IGFBP4: variants seen among roughly 807,000 people sequenced by gnomAD.
IGFBP4 encodes insulin-like growth factor-binding protein 4.
A neutral mutation model predicts 25.8 loss-of-function variants in IGFBP4; 9 were observed. The ratio of observed to expected loss-of-function variants is 0.35; its 90% confidence interval spans 0.21 to 0.61. The LOEUF is 0.61. IGFBP4 is among the 20% of genes least tolerant of loss of function. The pLI, the probability that IGFBP4 is intolerant of heterozygous loss-of-function variation, is 0.77. For missense variants in IGFBP4, 315 were observed against 365.3 expected, an observed-to-expected ratio of 0.86 and a Z score of 1.12; for synonymous variants, 153 against 153.9, an observed-to-expected ratio of 0.99 and a Z score of 0.05.
chr17:40,450,464 T>A (rs1216643107), intron 1 of IGFBP4, among the ~76,000 whole-genome samples: 1 of 152,232 alleles, frequency 6.6e-6, no homozygotes, highest in Non-Finnish European at 1.5e-5. Flanking sequence ...TTTGTCCACA[T>A]CTCAGCTCAG....
chr17:40,446,602 C>T (rs778907477), intron 1 of IGFBP4, among the ~76,000 whole-genome samples: 2 of 151,972 alleles, frequency 1.3e-5, no homozygotes, highest in Non-Finnish European at 2.9e-5. Flanking sequence ...GGTGACAGAG[C>T]GAGACTCTGT....
intron 1 of IGFBP4, among the ~76,000 whole-genome samples, chr17:40,448,786 T>C (rs1265902216): frequency 6.6e-6 from 1 of 152,102 alleles, no homozygotes; most frequent in African/African-American, 2.4e-5. Context: ...ACAGATTACA[T>C]GGAAAGTCAA....
intron 3 of IGFBP4, 65 bp from the exon 4 acceptor site, chr17:40,456,384 G>A: frequency 1.3e-6 from 2 of 1,582,702 alleles, no homozygotes; most frequent in South Asian, 2.2e-5. Context: ...GCTGGGATTG[G>A]GGTGGGTCAC....
At chr17:40,449,665 C>T (rs1181942769) in intron 1 of IGFBP4, among the ~76,000 whole-genome samples, 4 of 151,278 alleles carry the variant, frequency 2.6e-5, no homozygotes, top group Non-Finnish European at 5.9e-5. Flanking sequence ...AGGAGAATGG[C>T]GTGAACCTGG....
chr17:40,452,455 T>G (rs1377306429), intron 1 of IGFBP4, among the ~76,000 whole-genome samples: 1 of 152,138 alleles, frequency 6.6e-6, no homozygotes, highest in African/African-American at 2.4e-5. Flanking sequence ...GGGGAGAGCC[T>G]TTTGGGCTAG....
At chr17:40,455,474 A>G (rs1030829340) in intron 3 of IGFBP4, among the ~76,000 whole-genome samples, 8 of 150,046 alleles carry the variant, frequency 5.3e-5, no homozygotes, top group Admixed American at 2.7e-4. Flanking sequence ...GCACACAACT[A>G]TGTCAGGCTA....
Position 40,456,722 on chromosome 17 carries a change from CACGTGT to C in IGFBP4, c.*140_*145del. ...GAAGTTTCCCTCAAATGCGCGTGTG[CACGTGT>C]GCGTGTGCGTGCGTGTGTGTGTGTT... is the stretch of plus-strand genomic sequence containing the variant. On this transcript the variant is annotated 3_prime_UTR_variant, in exon 4 of 4. Coordinates refer to ENST00000269593, the MANE Select transcript of IGFBP4 (RefSeq NM_001552.3). 3.7e-6 allele frequency: 3 copies of C among 802,112 alleles called. No individual in the cohort carries two copies. Among genetic ancestry groups the C allele is most frequent in the Non-Finnish European group, 3.9e-6 (2 of 515,214 alleles). The allele number at this position is 802,112 out of a possible 1,614,324, so 49.7% of individuals were successfully genotyped here. A position where few individuals can be genotyped will look rare whatever the true frequency, so the allele number is the denominator to read the frequency against.
In IGFBP4 at chr17:40,443,857, C is replaced by G. The variant is rs777313226; in HGVS notation, c.122C>G (p.Pro41Arg). The change falls in exon 1 of 4, where the codon CCC becomes CGC. Residue 41 changes from proline to arginine, a missense_variant. By Grantham distance (103) the Pro-to-Arg change is moderately radical (BLOSUM62 -2). Coordinates refer to ENST00000269593, the MANE Select transcript of IGFBP4 (RefSeq NM_001552.3). ...SEEKLARCRP[P>R]VGCEELVREP... ...GAGAAGCTGGCGCGCTGCCGCCCCC[C>G]CGTGGGCTGCGAGGAGCTGGTGCGA... 2.2e-5 allele frequency: 34 copies of G among 1,531,760 alleles called. No homozygotes were observed. The highest frequency in any genetic ancestry group is 1.4e-4 in the Admixed American group (7 of 50,890). 94.9% of individuals were successfully genotyped at this position (1,531,760 alleles called of 1,614,324 possible). A position where few individuals can be genotyped will look rare whatever the true frequency, so the allele number is the denominator to read the frequency against.
chr17:40,445,771 C>T (rs574698789), intron 1 of IGFBP4, among the ~76,000 whole-genome samples: 3 of 152,068 alleles, frequency 2.0e-5, no homozygotes, highest in Non-Finnish European at 2.9e-5. Context: ...CTTGGGTTCG[C>T]GGGGTACAAC....
chr17:40,443,994 G>C lies in IGFBP4; in HGVS notation c.259G>C (p.Glu87Gln), dbSNP rs1263562899. 1 of 1,532,482 alleles carries C rather than the reference G, an allele frequency of 6.5e-7. No individual in the cohort carries two copies. The highest frequency in any genetic ancestry group is 2.5e-5 in the East Asian group (1 of 40,522). 94.9% of individuals were successfully genotyped at this position (1,532,482 alleles called of 1,614,324 possible). The change falls in exon 1 of 4, where the codon GAG (glutamate) becomes CAG (glutamine). Residue 87 changes from glutamate to glutamine, a missense_variant. By Grantham distance (29) the Glu-to-Gln change is conservative. Transcript: ENST00000269593. ...GLRCYPPRGV[E>Q]KPLHTLMHGQ... Reference sequence around the variant, plus strand: ...GCGCTGCTACCCGCCCCGAGGGGTGGAGAAGCCCCTGCACACACTGATGCA... The same window carrying C: ...GCGCTGCTACCCGCCCCGAGGGGTGCAGAAGCCCCTGCACACACTGATGCA...
At chr17:40,446,394 T>C (rs560977908) in intron 1 of IGFBP4, among the ~76,000 whole-genome samples, 1 of 149,884 alleles carries the variant, frequency 6.7e-6, no homozygotes, top group East Asian at 2.0e-4. Context: ...GGAGGGTGAA[T>C]CACCTGAGGT....
Position 40,452,992 on chromosome 17 carries a change from C to A in IGFBP4, c.357C>A (p.Asp119Glu). The A allele has an allele frequency of 1.3e-6, 2 of 1,548,526 alleles. No individual in the cohort carries two copies. The highest frequency in any genetic ancestry group is 1.8e-6 in the Non-Finnish European group (2 of 1,142,852). The change falls in exon 2 of 4, where the codon GAC becomes GAA. Residue 119 changes from aspartate (D) to glutamate (E), a missense_variant. Coordinates refer to ENST00000269593, the MANE Select transcript of IGFBP4 (RefSeq NM_001552.3). ...IQESLQPSDK[D>E]EGDHPNNSFS... ...ATCGCTACCTGAATACAGACAAGGA[C>A]GAGGGTGACCACCCCAACAACAGCT...
At chr17:40,456,212 A>T (rs1197915732) in intron 3 of IGFBP4, among the ~76,000 whole-genome samples, 1 of 152,068 alleles carries the variant, frequency 6.6e-6, no homozygotes, top group African/African-American at 2.4e-5. Context: ...TTTAAACCCG[A>T]GGGCTTTCTT....
rs1373336680 is a variant in IGFBP4 at position 40,457,114 on chromosome 17, CCT to C, written c.*535_*536del. On this transcript the variant is annotated 3_prime_UTR_variant, in exon 4 of 4. Coordinates refer to ENST00000269593, the MANE Select transcript of IGFBP4 (RefSeq NM_001552.3). ...GACATGTACCTTGACCATCGTCCTTCCTCTCAAGCTAGCCAGAGGGTGGGAGC... is the reference window on the plus strand; with the variant it reads ...GACATGTACCTTGACCATCGTCCTTCCTCAAGCTAGCCAGAGGGTGGGAGC... 1 of 152,580 alleles carries C rather than the reference CCT, an allele frequency of 6.6e-6. No individual in the cohort carries two copies. The highest frequency in any genetic ancestry group is 1.5e-5 in the Non-Finnish European group (1 of 68,350). 9.5% of individuals were successfully genotyped at this position (152,580 alleles called of 1,614,324 possible). A position where few individuals can be genotyped will look rare whatever the true frequency, so the allele number is the denominator to read the frequency against.
chr17:40,449,388 G>C (rs996258661), intron 1 of IGFBP4, among the ~76,000 whole-genome samples: 7 of 152,040 alleles, frequency 4.6e-5, no homozygotes, highest in African/African-American at 1.7e-4. Context: ...AGTCTAGGCA[G>C]GAGGATCACT....
rs1011353171 is a variant in IGFBP4, at chr17:40,443,718, C to T, written c.-18C>T. On this transcript the variant is annotated 5_prime_UTR_variant, in exon 1 of 4. Coordinates refer to ENST00000269593, the MANE Select transcript of IGFBP4 (RefSeq NM_001552.3). Reference sequence around the variant, plus strand: ...CTGCGCCCAGCGCCCCGCGCCCGCGCCCAGTCCTCGGGCGGTCATGCTGCC... The same window carrying T: ...CTGCGCCCAGCGCCCCGCGCCCGCGTCCAGTCCTCGGGCGGTCATGCTGCC... 8.0e-6 allele frequency: 11 copies of T among 1,377,256 alleles called. No individual in the cohort carries two copies. The highest frequency in any genetic ancestry group is 1.5e-5 in the African/African-American group (1 of 64,884). 85.3% of individuals were successfully genotyped at this position (1,377,256 alleles called of 1,614,324 possible).
Position 40,453,172 on chromosome 17 carries a change from G to A in IGFBP4, c.507+30G>A. The A allele has an allele frequency of 7.2e-7, 1 of 1,386,862 alleles. No homozygotes were observed. The highest frequency in any genetic ancestry group is 2.7e-5 in the East Asian group (1 of 37,272). 85.9% of individuals were successfully genotyped at this position (1,386,862 alleles called of 1,614,324 possible). On this transcript the variant is annotated intron_variant, in intron 2 of 3. Coordinates refer to ENST00000269593, the MANE Select transcript of IGFBP4 (RefSeq NM_001552.3). The surrounding 1 kb of genome is among the most constrained non-coding windows in gnomAD (Gnocchi z 4.0). The stretch of plus-strand genomic sequence containing the variant: ...GGACCTCCGATGCACAAATGTGCAT[G>A]TGCATAGACACACACACACACATGC...
chr17:40,444,930 G>C (rs967622838), intron 1 of IGFBP4, among the ~76,000 whole-genome samples: 7,523 of 33,380 alleles, frequency 0.23, 337 homozygotes, highest in African/African-American at 0.32. Context: ...CACACACAGA[G>C]ACAGAGAGAG....
intron 3 of IGFBP4, 141 bp downstream of exon 3, chr17:40,454,203 C>T: frequency 8.0e-7 from 1 of 1,244,488 alleles, no homozygotes; most frequent in East Asian, 2.8e-5. Flanking sequence ...CCTCCCTAAA[C>T]CTACCTCAGC....
Sources: allele counts gnomAD v4.1 joint callset (sites outside exome capture counted in the v4.1 genomes callset), GRCh38; gene constraint gnomAD v4.1.1; non-coding constraint Gnocchi (gnomAD v3.1); transcripts MANE v1.5; gene names NCBI Gene and HGNC (gene_info 2026-07-23, HGNC 2026-07-21).